The following AP3B1 variants were observed in gnomAD, a reference collection of about 807,000 sequenced individuals.
AP3B1 encodes adaptor related protein complex 3 subunit beta 1, also known as AP-3 complex subunit beta-1.
A neutral mutation model predicts 132.5 loss-of-function variants in AP3B1; 61 were observed. The ratio of observed to expected loss-of-function variants is 0.46; its 90% CI spans 0.37 to 0.57. The LOEUF is 0.57. AP3B1 is among the 20% of genes least tolerant of loss of function. The pLI, the probability that AP3B1 is intolerant of heterozygous loss-of-function variation, is 0.00. For missense variants in AP3B1, 1,120 were observed against 1,289.4 expected (o/e 0.87, Z 2.01); for synonymous variants, 388 against 438.3 (o/e 0.89, Z 1.43).
intron 2 of AP3B1, among the ~76,000 whole-genome samples, chr5:78,241,933 A>G (rs747296886): frequency 8.5e-5 from 13 of 152,204 alleles, no homozygotes; most frequent in Non-Finnish European, 1.2e-4. Context: ...ACAGAAGAGT[A>G]ACTAAGTCCT....
intron 2 of AP3B1, among the ~76,000 whole-genome samples, chr5:78,262,860 AGGTCTTGCC>A (rs2112555701): frequency 6.6e-6 from 1 of 150,720 alleles, no homozygotes; most frequent in East Asian, 1.9e-4. Context: ...TGTGGAGACA[AGGTCTTGCC>A]ATGTAGTCTA....
At chr5:78,023,804 C>T (rs970020760) in intron 24 of AP3B1, among the ~76,000 whole-genome samples, 1 of 152,056 alleles carries the variant, frequency 6.6e-6, no homozygotes, top group Non-Finnish European at 1.5e-5. Flanking sequence ...AGGAAGACTA[C>T]ACAATGCAGT....
intron 16 of AP3B1, among the ~76,000 whole-genome samples, chr5:78,128,711 T>C (rs1246484166): frequency 2.0e-5 from 3 of 152,140 alleles, no homozygotes; most frequent in Non-Finnish European, 4.4e-5. Context: ...AGAGGGATAC[T>C]TTTTATAAAA....
intron 7 of AP3B1, among the ~76,000 whole-genome samples, chr5:78,189,923 T>TAAAAA: frequency 7.3e-6 from 1 of 137,592 alleles, no homozygotes; most frequent in East Asian, 2.2e-4. Context: ...TAAAATAAAA[T>TAAAAA]AAAATAAAAT....
Position 78,154,384 on chromosome 5 carries a change from C to T in AP3B1, c.1473+1874G>A, listed in dbSNP as rs190303858. ...TGCCGCTTTTAGGATCCTTTCCCAT[C>T]CTTGACCTTTGGGAGTCTGATTATT... On this transcript the variant is annotated intron_variant, in intron 14 of 26. Transcript: ENST00000255194. Among the ~76,000 whole-genome samples the T allele has an allele frequency of 6.0e-4, 92 of 152,204 alleles. No homozygotes were observed. The Middle Eastern group carries it at 0.01, about 17-fold the overall frequency.
chr5:78,163,083 C>T, intron 12 of AP3B1, 132 bp from the exon 13 acceptor site: 4 of 825,664 alleles, frequency 4.8e-6, no homozygotes, highest in Middle Eastern at 2.8e-4. Context: ...ATATGAGGAC[C>T]AAGTGATGAT....
chr5:78,091,277 CA>C (rs748473899), intron 21 of AP3B1, among the ~76,000 whole-genome samples: 1,088 of 79,466 alleles, frequency 0.014, 6 homozygotes, highest in Non-Finnish European at 0.016. Context: ...ATGTATTTGA[CA>C]AAAAAAAAAA....
chr5:78,206,238 C>G (rs977388888), intron 7 of AP3B1, among the ~76,000 whole-genome samples: 2 of 152,062 alleles, frequency 1.3e-5, no homozygotes, highest in African/African-American at 4.8e-5. Flanking sequence ...TACCAGACAT[C>G]TATTTTAATG....
Position 78,275,740 on chromosome 5 carries a change from T to C in AP3B1, c.129-8145A>G, listed in dbSNP as rs185717304. Reference sequence around the variant, plus strand: ...CACCCACCTCGGCCTCCCAAAGTACTGGATAACAGGCATGAGCCACTGCCC... The same window carrying C: ...CACCCACCTCGGCCTCCCAAAGTACCGGATAACAGGCATGAGCCACTGCCC... On this transcript the variant is annotated intron_variant, in intron 1 of 26. Transcript: ENST00000255194. Among the ~76,000 whole-genome samples, 1,074 of 152,264 alleles carry C rather than the reference T, an allele frequency of 7.1e-3. 19 individuals are homozygous for C. The highest frequency in any genetic ancestry group is 0.047 in the Admixed American group (724 of 15,300).
chr5:78,109,910 T>G (rs952262664), intron 20 of AP3B1, among the ~76,000 whole-genome samples: 16 of 152,174 alleles, frequency 1.1e-4, no homozygotes, highest in African/African-American at 3.9e-4. Context: ...GTATGTACAC[T>G]TATAATTCTT....
intron 2 of AP3B1, among the ~76,000 whole-genome samples, chr5:78,265,965 T>C (rs1173508675): frequency 6.6e-6 from 1 of 152,196 alleles, no homozygotes; most frequent in African/African-American, 2.4e-5. Context: ...TGTTTCTTAC[T>C]GGGAGACAAA....
At chr5:78,277,073 T>C (rs1748813008) in intron 1 of AP3B1, among the ~76,000 whole-genome samples, 2 of 152,158 alleles carry the variant, frequency 1.3e-5, no homozygotes, top group Admixed American at 1.3e-4. Context: ...ATTTATAGTA[T>C]ATTATTAACT....
chr5:78,183,836 C>T (rs141757304), intron 7 of AP3B1, among the ~76,000 whole-genome samples: 1 of 148,088 alleles, frequency 6.8e-6, no homozygotes, highest in African/African-American at 2.5e-5. Flanking sequence ...CATTGCCCTC[C>T]AGCCTGGGCA....
At chr5:78,186,268 T>C (rs543253204) in intron 7 of AP3B1, among the ~76,000 whole-genome samples, 2 of 152,256 alleles carry the variant, frequency 1.3e-5, no homozygotes, top group South Asian at 4.1e-4. Flanking sequence ...TAAAGTACAC[T>C]TCAGAGCAAA....
intron 1 of AP3B1, among the ~76,000 whole-genome samples, chr5:78,286,171 C>A (rs1036667606): frequency 2.6e-5 from 4 of 152,196 alleles, no homozygotes; most frequent in Admixed American, 2.0e-4. Flanking sequence ...TGACCACATT[C>A]TCAACCTAGG....
chr5:78,260,220 T>C (rs190096132), intron 2 of AP3B1, among the ~76,000 whole-genome samples: 1 of 152,200 alleles, frequency 6.6e-6, no homozygotes, highest in African/African-American at 2.4e-5. Flanking sequence ...GGCAAGGACT[T>C]TGAAAGAATG....
chr5:78,291,705 C>T (rs745617874), intron 1 of AP3B1, among the ~76,000 whole-genome samples: 1 of 151,932 alleles, frequency 6.6e-6, no homozygotes, highest in Non-Finnish European at 1.5e-5. Flanking sequence ...AAGGAACTAT[C>T]CCAGATTAAA....
intron 11 of AP3B1, among the ~76,000 whole-genome samples, chr5:78,166,359 A>C (rs888079500): frequency 6.6e-6 from 1 of 152,134 alleles, no homozygotes; most frequent in Non-Finnish European, 1.5e-5. Flanking sequence ...AATTAACCTA[A>C]ACAATTCTGC....
chr5:78,160,800 T>G (rs1279699054), intron 13 of AP3B1, among the ~76,000 whole-genome samples: 1 of 152,008 alleles, frequency 6.6e-6, no homozygotes, highest in Non-Finnish European at 1.5e-5. Context: ...ACTATGACTT[T>G]CTTTTATGTT....
Sources: allele counts gnomAD v4.1 joint callset (sites outside exome capture counted in the v4.1 genomes callset), GRCh38; gene constraint gnomAD v4.1.1; transcripts MANE v1.5; gene names NCBI Gene and HGNC (gene_info 2026-07-23, HGNC 2026-07-21).